The following FAM163B variants were observed in gnomAD, a reference collection of about 807,000 sequenced individuals.
FAM163B encodes the protein family with sequence similarity 163 member B, also known as protein FAM163B.
Under a neutral mutation model 7.6 loss-of-function variants are expected in FAM163B, and 4 were observed. The observed-to-expected ratio is 0.52, with a 90% confidence interval of 0.26 to 1.20. The LOEUF (loss-of-function observed/expected upper bound fraction) is 1.20, where lower values mean the gene tolerates loss of function less well. Among genes scored for constraint, FAM163B ranks in the 50% most tolerant of loss-of-function variants. The pLI is 0.14. For synonymous variants in FAM163B, 120 were observed against 111.6 expected (o/e 1.07, Z -0.47); for missense variants, 250 against 243.0 (o/e 1.03, Z -0.19).
chr9:133,589,575 A>G (rs988422520), intron 1 of FAM163B, among the ~76,000 whole-genome samples: 1 of 152,138 alleles, frequency 6.6e-6, no homozygotes, highest in Non-Finnish European at 1.5e-5. Flanking sequence ...CCATGAAGGC[A>G]AGAACCTGGT....
intron 1 of FAM163B, among the ~76,000 whole-genome samples, chr9:133,586,371 G>A (rs946364409): frequency 2.6e-4 from 39 of 152,220 alleles, no homozygotes; most frequent in Non-Finnish European, 5.3e-4. Flanking sequence ...CACAGCAGGG[G>A]GACTGGTGCT....
intron 1 of FAM163B, among the ~76,000 whole-genome samples, chr9:133,592,159 C>A (rs532375096): frequency 1.2e-4 from 19 of 152,286 alleles, no homozygotes; most frequent in African/African-American, 4.6e-4. Flanking sequence ...GATGCACAGG[C>A]CTGGTAAACA....
chr9:133,582,959 G>A (rs965077907), intron 1 of FAM163B, among the ~76,000 whole-genome samples: 82 of 152,302 alleles, frequency 5.4e-4, no homozygotes, highest in Middle Eastern at 3.4e-3. Context: ...TCCTGACTCA[G>A]GTGCCGATCC....
chr9:133,578,035 G>A lies in FAM163B; in HGVS notation c.*987C>T, dbSNP rs1831279242. ...GTCTCCCTTGGGGATCTCAGTTCCT[G>A]TTGAGACCCACAGCCTGAAGACCTC... On this transcript the variant is annotated 3_prime_UTR_variant, in exon 3 of 3. Transcript: ENST00000673969. Among the ~76,000 whole-genome samples, 2 of 152,128 alleles carry A rather than the reference G, an allele frequency of 1.3e-5. No homozygotes were observed. Among genetic ancestry groups the A allele is most frequent in the Non-Finnish European group, 2.9e-5 (2 of 68,022 alleles).
chr9:133,580,365 G>A (rs1831338122), intron 1 of FAM163B, 119 bp from the exon 2 acceptor site: 4 of 763,586 alleles, frequency 5.2e-6, no homozygotes, highest in Non-Finnish European at 8.7e-6. Context: ...GGATGTGCCT[G>A]TGAGAGGCAG....
rs1334912878 is a variant in FAM163B, at chr9:133,609,083, G to A, written c.-30C>T. On this transcript the variant is annotated 5_prime_UTR_variant, in exon 1 of 3. Coordinates refer to ENST00000673969, the MANE Select transcript of FAM163B (RefSeq NM_001080515.3). ...CGGCCCGCTCGGCCCTTACCTTGAA[G>A]CATGGGAACCGCGCTGCCCCGGCCG... is the stretch of plus-strand genomic sequence containing the variant. Among the ~76,000 whole-genome samples the A allele has an allele frequency of 6.6e-6, 1 of 152,204 alleles. No individual in the cohort carries two copies. The highest frequency in any genetic ancestry group is 1.5e-5 in the Non-Finnish European group (1 of 68,030).
intron 1 of FAM163B, among the ~76,000 whole-genome samples, chr9:133,596,602 G>A (rs1831636678): frequency 6.6e-6 from 1 of 152,130 alleles, no homozygotes. Context: ...GGAATCCCAG[G>A]CTATGGTGCA....
chr9:133,592,012 C>T (rs1564194407), intron 1 of FAM163B, among the ~76,000 whole-genome samples: 1 of 152,154 alleles, frequency 6.6e-6, no homozygotes, highest in Non-Finnish European at 1.5e-5. Context: ...TGCGTGACCT[C>T]CCTAGTGCTC....
rs1040135103 is a variant in FAM163B at position 133,601,834 on chromosome 9, C to T, written c.-24+7243G>A. ...CAGAAGGCTTGACTAAAGCTGGGAC[C>T]TGGCACTGGCCAGGAGGTCCTTCAG... On this transcript the variant is annotated intron_variant, in intron 1 of 2. Transcript: ENST00000673969. This position sits in a 1 kb window ranked among gnomAD's most constrained non-coding sequence, Gnocchi z 4.1. 1.3e-5 allele frequency among the ~76,000 whole-genome samples: 2 copies of T among 152,184 alleles called. No individual in the cohort carries two copies. Among genetic ancestry groups the T allele is most frequent in the Admixed American group, 6.5e-5 (1 of 15,286 alleles).
chr9:133,583,025 T>C (rs1211619618), intron 1 of FAM163B, among the ~76,000 whole-genome samples: 1 of 152,224 alleles, frequency 6.6e-6, no homozygotes, highest in Non-Finnish European at 1.5e-5. Context: ...ACTGTGTGTA[T>C]GTCACCTGGA....
rs895773492 is a variant in FAM163B at position 133,600,920 on chromosome 9, G to A, written c.-24+8157C>T. On this transcript the variant is annotated intron_variant, in intron 1 of 2. Coordinates refer to ENST00000673969, the MANE Select transcript of FAM163B (RefSeq NM_001080515.3). This position sits in a 1 kb window ranked among gnomAD's most constrained non-coding sequence, Gnocchi z 4.9. ...CTCAACTCTCCCTTGGTAGGGGGTAGGGGGGGAGCTTCATTGCCTCGAGTT... is the reference window on the plus strand; with the variant it reads ...CTCAACTCTCCCTTGGTAGGGGGTAAGGGGGGAGCTTCATTGCCTCGAGTT... Among the ~76,000 whole-genome samples, 1 of 151,964 alleles carries A rather than the reference G, an allele frequency of 6.6e-6. No homozygotes were observed. The highest frequency in any genetic ancestry group is 1.5e-5 in the Non-Finnish European group (1 of 67,920).
At position 133,581,912 on chromosome 9, in the gene FAM163B, C is replaced by T. The variant is rs1040520387; in HGVS notation, c.-23-1666G>A. ...CAGCCCATTGCTGCAGCATCCTGTG[C>T]GTGACCTGGATCTGTTACTTCACTA... On this transcript the variant is annotated intron_variant, in intron 1 of 2. Transcript: ENST00000673969. Among the ~76,000 whole-genome samples the T allele has an allele frequency of 5.3e-5, 8 of 152,188 alleles. No individual in the cohort carries two copies. The South Asian group carries it at 6.2e-4, about 12-fold the overall frequency.
intron 1 of FAM163B, among the ~76,000 whole-genome samples, chr9:133,592,391 G>T (rs551259328): frequency 6.6e-6 from 1 of 152,192 alleles, no homozygotes; most frequent in African/African-American, 2.4e-5. Flanking sequence ...GCCCCTGGGC[G>T]GCCTGAGAGG....
At chr9:133,607,713 C>T (rs565262338) in intron 1 of FAM163B, among the ~76,000 whole-genome samples, 32 of 152,350 alleles carry the variant, frequency 2.1e-4, no homozygotes, top group African/African-American at 7.5e-4. Context: ...AAAGACTGCC[C>T]TGTGGGTCTT....
intron 1 of FAM163B, among the ~76,000 whole-genome samples, chr9:133,589,960 G>A (rs1831512645): frequency 6.6e-6 from 1 of 152,104 alleles, no homozygotes; most frequent in African/African-American, 2.4e-5. Flanking sequence ...TGCCGACGGG[G>A]CTGGCTTTTT....
chr9:133,604,206 C>A (rs1299586956), intron 1 of FAM163B, among the ~76,000 whole-genome samples: 1 of 152,198 alleles, frequency 6.6e-6, no homozygotes, highest in Admixed American at 6.5e-5. Context: ...GGAGTGATTA[C>A]TTGAGTGAAC....
rs565432760 is a variant in FAM163B, at chr9:133,602,613, T to A, written c.-24+6464A>T. On this transcript the variant is annotated intron_variant, in intron 1 of 2. Coordinates refer to ENST00000673969, the MANE Select transcript of FAM163B (RefSeq NM_001080515.3). ...TGTGTTGGAAAACAGTTTTTTTTTT[T>A]AAATAGAGATCTGTTCAGTAATTAG... Among the ~76,000 whole-genome samples the A allele has an allele frequency of 1.4e-4, 22 of 152,192 alleles. No homozygotes were observed. In the South Asian group the frequency reaches 1.5e-3, roughly 10 times the overall value.
At chr9:133,597,707 A>G (rs944493322) in intron 1 of FAM163B, among the ~76,000 whole-genome samples, 10 of 152,192 alleles carry the variant, frequency 6.6e-5, no homozygotes, top group African/African-American at 2.4e-4. Flanking sequence ...GCTTAAAACC[A>G]GCAACGAAGG....
chr9:133,592,268 G>C (rs930632173), intron 1 of FAM163B, among the ~76,000 whole-genome samples: 4 of 152,190 alleles, frequency 2.6e-5, no homozygotes, highest in Admixed American at 2.0e-4. Context: ...CCGTGCCCCT[G>C]TGGGATTTCT....
Sources: allele counts gnomAD v4.1 joint callset (sites outside exome capture counted in the v4.1 genomes callset), GRCh38; gene constraint gnomAD v4.1.1; non-coding constraint Gnocchi (gnomAD v3.1); transcripts MANE v1.5; gene names NCBI Gene and HGNC (gene_info 2026-07-23, HGNC 2026-07-21).